Variants in AFF3 observed in about 807,000 individuals in gnomAD.
AFF3 encodes the protein ALF transcription elongation factor 3, also known as AF4/FMR2 family member 3.
Under a neutral mutation model 129.7 loss-of-function variants are expected in AFF3, and 32 were observed. The ratio of observed to expected loss-of-function variants is 0.25; its 90% CI spans 0.19 to 0.33. The LOEUF (loss-of-function observed/expected upper bound fraction) is 0.33. Among genes scored for constraint, AFF3 ranks in the 10% least tolerant of loss-of-function variants. AFF3 has a pLI of 1.00. For missense variants in AFF3, 1,373 were observed against 1,592.0 expected (o/e 0.86, Z 2.34); for synonymous variants, 644 against 635.4 (o/e 1.01, Z -0.20).
rs138761793 is a variant in AFF3, at chr2:99,838,074, G to A, written c.874-550C>T. Among the ~76,000 whole-genome samples the A allele has an allele frequency of 8.1e-3, 1,239 of 152,292 alleles. 8 individuals are homozygous for A. Among genetic ancestry groups the A allele is most frequent in the Admixed American group, 0.015 (222 of 15,300 alleles). ...TGGATGTTGGACTGGCATGTGGGGC[G>A]TCACGCTCAAGTCACTTGTTCTGTC... On this transcript the variant is annotated intron_variant, in intron 7 of 24. Transcript: ENST00000672756.
At chr2:99,771,994 G>A (rs887549724) in intron 8 of AFF3, among the ~76,000 whole-genome samples, 4 of 152,116 alleles carry the variant, frequency 2.6e-5, no homozygotes, top group African/African-American at 4.8e-5. Context: ...AATGAGCTTC[G>A]GCAGGATTTC....
chr2:99,782,719 C>T (rs891398268), intron 8 of AFF3, among the ~76,000 whole-genome samples: 6 of 152,212 alleles, frequency 3.9e-5, no homozygotes, highest in South Asian at 2.1e-4. Context: ...TCTCAACACA[C>T]GTACAAATGC....
intron 1 of AFF3, among the ~76,000 whole-genome samples, chr2:100,129,727 G>A (rs114388555): frequency 0.012 from 1,803 of 152,230 alleles, 14 homozygotes; most frequent in Middle Eastern, 0.024. Context: ...GCATGTTCCC[G>A]GAACTCTAAA....
At chr2:100,028,768 G>C (rs1684249279) in intron 4 of AFF3, among the ~76,000 whole-genome samples, 1 of 152,130 alleles carries the variant, frequency 6.6e-6, no homozygotes, top group Non-Finnish European at 1.5e-5. Context: ...ACAAGCATTG[G>C]TGAGGATGTG....
At chr2:100,095,434 G>A (rs1255993765) in intron 4 of AFF3, among the ~76,000 whole-genome samples, 2 of 152,094 alleles carry the variant, frequency 1.3e-5, no homozygotes, top group Admixed American at 6.6e-5. Context: ...GCAGTATCAC[G>A]GCTACCAGGA....
At chr2:99,691,832 G>A (rs536334045) in intron 11 of AFF3, among the ~76,000 whole-genome samples, 22 of 152,236 alleles carry the variant, frequency 1.4e-4, no homozygotes, top group African/African-American at 4.8e-4. Flanking sequence ...GGAGGAAGAC[G>A]AACTCCAGGA....
rs185196980 is a variant in AFF3, at chr2:100,042,203, C to T, written c.54-33271G>A. ...TTTCTTTGTTTGAAAGGCTTTCTCC[C>T]GAAACCTCCGTGCAGTAGTTAACTC... On this transcript the variant is annotated intron_variant, in intron 4 of 24. Transcript: ENST00000672756. Among the ~76,000 whole-genome samples the T allele has an allele frequency of 2.6e-5, 4 of 152,246 alleles. No individual in the cohort carries two copies. The South Asian group carries it at 6.2e-4, about 24-fold the overall frequency.
At chr2:99,654,081 T>C (rs1685532193) in intron 12 of AFF3, among the ~76,000 whole-genome samples, 1 of 152,098 alleles carries the variant, frequency 6.6e-6, no homozygotes, top group Non-Finnish European at 1.5e-5. Flanking sequence ...GGTTTCACTG[T>C]GTTAGTCAGG....
intron 10 of AFF3, among the ~76,000 whole-genome samples, chr2:99,738,018 C>G (rs1176542756): frequency 6.6e-6 from 1 of 152,000 alleles, no homozygotes; most frequent in East Asian, 1.9e-4. Flanking sequence ...TTGCTCTTTA[C>G]CACATTTCCA....
chr2:99,777,090 G>A (rs911695194), intron 8 of AFF3, among the ~76,000 whole-genome samples: 1 of 152,196 alleles, frequency 6.6e-6, no homozygotes, highest in Non-Finnish European at 1.5e-5. Flanking sequence ...AGGGACAGGC[G>A]GTGATGCTTG....
chr2:99,724,290 T>TTTTTTTTTTTTTA (rs1679176674), intron 11 of AFF3, among the ~76,000 whole-genome samples: 1 of 145,554 alleles, frequency 6.9e-6, no homozygotes. Context: ...TTTTTTTTTT[T>TTTTTTTTTTTTTA]GAGACACAGT....
chr2:99,795,481 G>A (rs913515537), intron 8 of AFF3, among the ~76,000 whole-genome samples: 3 of 152,146 alleles, frequency 2.0e-5, no homozygotes, highest in Non-Finnish European at 2.9e-5. Flanking sequence ...TACACTAAAC[G>A]CCCAGATTTT....
At chr2:99,909,881 C>T (rs745909263) in intron 7 of AFF3, among the ~76,000 whole-genome samples, 10 of 152,062 alleles carry the variant, frequency 6.6e-5, no homozygotes, top group Non-Finnish European at 1.5e-4. Context: ...ACCTATGAAA[C>T]CAAGTGGATA....
At chr2:100,031,079 G>A (rs1382181028) in intron 4 of AFF3, among the ~76,000 whole-genome samples, 1 of 152,064 alleles carries the variant, frequency 6.6e-6, no homozygotes, top group East Asian at 1.9e-4. Context: ...AACAGTATGA[G>A]GAAATAAAAT....
At chr2:100,131,959 G>C (rs1019518947) in intron 1 of AFF3, among the ~76,000 whole-genome samples, 6 of 152,162 alleles carry the variant, frequency 3.9e-5, no homozygotes, top group Admixed American at 6.5e-5. Context: ...GGGTGGGATG[G>C]AGTGCCTGCC....
chr2:99,805,499 G>T (rs1686266660), intron 8 of AFF3, among the ~76,000 whole-genome samples: 1 of 151,956 alleles, frequency 6.6e-6, no homozygotes, highest in South Asian at 2.1e-4. Flanking sequence ...GACAGTAATG[G>T]CTTTCAAAAC....
chr2:99,815,324 T>G (rs1687136299), intron 8 of AFF3, among the ~76,000 whole-genome samples: 1 of 152,236 alleles, frequency 6.6e-6, no homozygotes, highest in African/African-American at 2.4e-5. Flanking sequence ...CACACTGTTG[T>G]ACGACCAGCA....
intron 4 of AFF3, among the ~76,000 whole-genome samples, chr2:100,031,345 A>G (rs1290017935): frequency 6.6e-6 from 1 of 152,238 alleles, no homozygotes; most frequent in African/African-American, 2.4e-5. Flanking sequence ...AGAATGATCC[A>G]TGTGATAAAT....
At chr2:99,590,716 C>T (rs538837277) in intron 15 of AFF3, among the ~76,000 whole-genome samples, 6 of 152,230 alleles carry the variant, frequency 3.9e-5, no homozygotes, top group East Asian at 1.9e-4. Flanking sequence ...TTGCTGGCCA[C>T]GTGCAGTGGC....
Sources: allele counts gnomAD v4.1 joint callset (sites outside exome capture counted in the v4.1 genomes callset), GRCh38; gene constraint gnomAD v4.1.1; transcripts MANE v1.5; gene names NCBI Gene and HGNC (gene_info 2026-07-23, HGNC 2026-07-21).